GRIN2A: variants seen among roughly 807,000 people sequenced by gnomAD.
GRIN2A encodes glutamate ionotropic receptor NMDA type subunit 2A, also known as glutamate receptor ionotropic, NMDA 2A.
GRIN2A carries 22 observed loss-of-function variants against 113.4 expected under a neutral mutation model. That is an observed-to-expected ratio of 0.19 (90% CI 0.14 to 0.28). GRIN2A has a LOEUF of 0.28. Ranked by LOEUF, GRIN2A falls within the 10% of genes least tolerant of loss-of-function variation. The probability of loss-of-function intolerance (pLI) is 1.00; values close to 1 mark genes in which losing one functional copy is unlikely to be tolerated. For missense variants in GRIN2A, 1,502 were observed against 1,887.0 expected, an observed-to-expected ratio of 0.80 and a Z score of 3.78; for synonymous variants, 827 against 738.4, an observed-to-expected ratio of 1.12 and a Z score of -1.94.
At chr16:9,847,075 A>G (rs1321918310) in intron 5 of GRIN2A, among the ~76,000 whole-genome samples, 1 of 152,202 alleles carries the variant, frequency 6.6e-6, no homozygotes, top group African/African-American at 2.4e-5. Context: ...AACTGCCAGA[A>G]GTTCCATTTG....
intron 2 of GRIN2A, among the ~76,000 whole-genome samples, chr16:10,057,435 C>T (rs1405705111): frequency 6.6e-6 from 1 of 151,962 alleles, no homozygotes; most frequent in Non-Finnish European, 1.5e-5. Flanking sequence ...ATATCCAAGG[C>T]CTCTTCCCAA....
chr16:9,882,599 C>A (rs2043503105), intron 4 of GRIN2A, among the ~76,000 whole-genome samples: 1 of 152,024 alleles, frequency 6.6e-6, no homozygotes, highest in African/African-American at 2.4e-5. Flanking sequence ...CCAGCCTGGG[C>A]AGCATATCGA....
intron 2 of GRIN2A, among the ~76,000 whole-genome samples, chr16:10,166,038 G>A (rs551639431): frequency 6.6e-6 from 1 of 152,202 alleles, no homozygotes; most frequent in East Asian, 1.9e-4. Flanking sequence ...ACATCGTTCT[G>A]AGTCTACTCA....
At chr16:9,944,966 AC>A (rs2044982957) in intron 2 of GRIN2A, among the ~76,000 whole-genome samples, 2 of 152,124 alleles carry the variant, frequency 1.3e-5, no homozygotes, top group South Asian at 4.1e-4. Context: ...AAAGTGAAGG[AC>A]CCTGATTCCA....
At chr16:9,868,348 C>T (rs1051457396) in intron 4 of GRIN2A, among the ~76,000 whole-genome samples, 1 of 152,142 alleles carries the variant, frequency 6.6e-6, no homozygotes, top group Non-Finnish European at 1.5e-5. Context: ...TTCACTGCAA[C>T]CTCCGCCTCC....
chr16:10,119,118 C>T (rs947178169), intron 2 of GRIN2A, among the ~76,000 whole-genome samples: 1 of 152,118 alleles, frequency 6.6e-6, no homozygotes, highest in African/African-American at 2.4e-5. Flanking sequence ...TGTTATACCA[C>T]TGATATTTGA....
chr16:9,804,420 C>G (rs1325488684), intron 10 of GRIN2A, among the ~76,000 whole-genome samples: 1 of 151,998 alleles, frequency 6.6e-6, no homozygotes, highest in Admixed American at 6.6e-5. Flanking sequence ...CCCATTTACT[C>G]TTCTCTGCTT....
chr16:10,095,711 G>A (rs969920810), intron 2 of GRIN2A, among the ~76,000 whole-genome samples: 3 of 152,192 alleles, frequency 2.0e-5, no homozygotes, highest in African/African-American at 7.2e-5. Flanking sequence ...CAAGTTACTT[G>A]TTAATTACAA....
intron 2 of GRIN2A, among the ~76,000 whole-genome samples, chr16:10,031,087 G>A (rs1178094601): frequency 2.0e-5 from 3 of 152,214 alleles, no homozygotes; most frequent in African/African-American, 7.2e-5. Flanking sequence ...AGAAGCCTAC[G>A]CTGGAATCGC....
At chr16:10,013,974 T>C (rs1256968830) in intron 2 of GRIN2A, among the ~76,000 whole-genome samples, 5 of 152,220 alleles carry the variant, frequency 3.3e-5, no homozygotes. Context: ...AGCTCCTCTG[T>C]TGAATGATAT....
chr16:10,167,134 A>G (rs2049941623), intron 2 of GRIN2A, among the ~76,000 whole-genome samples: 1 of 151,970 alleles, frequency 6.6e-6, no homozygotes, highest in South Asian at 2.1e-4. Flanking sequence ...TGTTTAATAA[A>G]CCAATAAATA....
intron 2 of GRIN2A, among the ~76,000 whole-genome samples, chr16:9,961,761 G>T (rs1297728230): frequency 6.6e-6 from 1 of 152,076 alleles, no homozygotes; most frequent in African/African-American, 2.4e-5. Context: ...TTTCTTCACA[G>T]AATTGGAAAA....
intron 2 of GRIN2A, among the ~76,000 whole-genome samples, chr16:9,948,595 G>A (rs1313261710): frequency 6.6e-6 from 1 of 152,146 alleles, no homozygotes; most frequent in South Asian, 2.1e-4. Flanking sequence ...TCTCACCACC[G>A]TGTGTTTCCT....
intron 2 of GRIN2A, among the ~76,000 whole-genome samples, chr16:10,113,447 T>A (rs745776069): frequency 1.6e-4 from 25 of 152,224 alleles, no homozygotes; most frequent in African/African-American, 5.8e-4. Context: ...GCCCTGCTCA[T>A]GGCCGCCTGC....
At chr16:9,826,186 T>A (rs140233762) in intron 9 of GRIN2A, among the ~76,000 whole-genome samples, 2 of 152,242 alleles carry the variant, frequency 1.3e-5, no homozygotes, top group Admixed American at 6.5e-5. Context: ...GATACTGACA[T>A]ACAGAAGGCC....
intron 2 of GRIN2A, among the ~76,000 whole-genome samples, chr16:10,085,501 C>T (rs2048070013): frequency 6.6e-6 from 1 of 152,148 alleles, no homozygotes; most frequent in Admixed American, 6.5e-5. Flanking sequence ...GACATGAAGG[C>T]ACTCAGTGTG....
At chr16:10,166,783 C>T (rs890965093) in intron 2 of GRIN2A, among the ~76,000 whole-genome samples, 15 of 152,234 alleles carry the variant, frequency 9.9e-5, no homozygotes, top group African/African-American at 2.6e-4. Context: ...TCTGCCAACC[C>T]CTGAGGCAGC....
At chr16:10,170,854 G>A (rs1259919710) in intron 2 of GRIN2A, among the ~76,000 whole-genome samples, 26 of 150,502 alleles carry the variant, frequency 1.7e-4, no homozygotes, top group Non-Finnish European at 1.5e-5. Context: ...TCCAGCCTGG[G>A]CAACAGAGTG....
chr16:10,097,835 A>T (rs1185333528), intron 2 of GRIN2A, among the ~76,000 whole-genome samples: 1 of 152,234 alleles, frequency 6.6e-6, no homozygotes, highest in African/African-American at 2.4e-5. Context: ...AAAACCATAA[A>T]AATTCTAGAA....
Sources: allele counts gnomAD v4.1 joint callset (sites outside exome capture counted in the v4.1 genomes callset), GRCh38; gene constraint gnomAD v4.1.1; transcripts MANE v1.5; gene names NCBI Gene and HGNC (gene_info 2026-07-23, HGNC 2026-07-21).